LHX3: variants seen among roughly 807,000 people sequenced by gnomAD.
LHX3 encodes the protein LIM homeobox 3, also known as LIM/homeobox protein Lhx3.
A neutral mutation model predicts 32.4 loss-of-function variants in LHX3; 21 were observed. That is an observed-to-expected ratio of 0.65 (90% CI 0.46 to 0.93). The LOEUF (loss-of-function observed/expected upper bound fraction) is 0.93. Among genes scored for constraint, LHX3 ranks in the 40% least tolerant of loss-of-function variants. The probability of loss-of-function intolerance (pLI) is 0.00; values close to 1 mark genes in which losing one functional copy is unlikely to be tolerated. For missense variants in LHX3, 626 were observed against 560.0 expected (o/e 1.12, Z -1.19); for synonymous variants, 258 against 246.8 (o/e 1.05, Z -0.43).
chr9:136,199,049 G>C lies in LHX3; in HGVS notation c.465C>G (p.Ala155=). The C allele has an allele frequency of 6.5e-7, 1 of 1,549,636 alleles. No individual in the cohort carries two copies. The change falls in exon 4 of 6, where the codon GCC becomes GCG. Residue 155 remains alanine, a synonymous_variant. Transcript: ENST00000371748. ...YETAKQREAE[A]TAKRPRTTIT... The stretch of plus-strand genomic sequence containing the variant: ...TGGTCGTGCGCGGCCGCTTGGCCGT[G>C]GCCTCGGCCTCTGCGCGGCGGGCGA...
chr9:136,198,858 CG>C (rs1831562414), intron 4 of LHX3, 38 bp from the exon 5 acceptor site: 2 of 1,594,584 alleles, frequency 1.3e-6, no homozygotes, highest in Non-Finnish European at 8.5e-7. Flanking sequence ...CCCGGCTCTG[CG>C]GGGGCCCCCA....
At position 136,199,021 on chromosome 9, in the gene LHX3, T is replaced by A. The variant is rs1259053512; in HGVS notation, c.493A>T (p.Thr165Ser). 5.7e-6 allele frequency: 9 copies of A among 1,585,536 alleles called. No individual in the cohort carries two copies. The highest frequency in any genetic ancestry group is 7.7e-6 in the Non-Finnish European group (9 of 1,171,112). ...TTCAGCGTCTCCAGCTGCTTGGCGG[T>A]GATGGTCGTGCGCGGCCGCTTGGCC... ...ATAKRPRTTI[T>S]AKQLETLKSA... The change falls in exon 4 of 6, where the codon ACC becomes TCC. Residue 165 changes from threonine (T) to serine (S), a missense_variant. Coordinates refer to ENST00000371748, the MANE Select transcript of LHX3 (RefSeq NM_178138.6).
rs1440382468 is a variant in LHX3 at position 136,198,726 on chromosome 9, G to A, written c.701C>T (p.Ser234Phe). 1 of 1,611,530 alleles carries A rather than the reference G, an allele frequency of 6.2e-7. No homozygotes were observed. Among genetic ancestry groups the A allele is most frequent in the Non-Finnish European group, 8.5e-7 (1 of 1,179,810 alleles). ...WGQYFRNMKR[S>F]RGGSKSDKDS... ...CTTGTCCGACTTGGAGCCGCCGCGG[G>A]AGCGCTTCATGTTGCGGAAATACTG... Residue 234 changes from serine (S) to phenylalanine (F), a missense_variant, in exon 5 of 6, where the codon TCC becomes TTC. Coordinates refer to ENST00000371748, the MANE Select transcript of LHX3 (RefSeq NM_178138.6).
At position 136,196,639 on chromosome 9, in the gene LHX3, A is replaced by C. The variant is rs1323340730; in HGVS notation, c.*686T>G. ...GAGGAGGAGACCCTGAGGGGCTTAG[A>C]GAATTGAGCTTGGAGAGAAGGGGCG... On this transcript the variant is annotated 3_prime_UTR_variant, in exon 6 of 6. Coordinates refer to ENST00000371748, the MANE Select transcript of LHX3 (RefSeq NM_178138.6). 1 of 152,822 alleles carries C rather than the reference A, an allele frequency of 6.5e-6. No homozygotes were observed. The highest frequency in any genetic ancestry group is 2.4e-5 in the African/African-American group (1 of 41,462). 9.5% of individuals were successfully genotyped at this position (152,822 alleles called of 1,614,324 possible).
intron 1 of LHX3, chr9:136,201,068 A>T: frequency 1.6e-6 from 2 of 1,272,536 alleles, no homozygotes; most frequent in Non-Finnish European, 2.1e-6. Flanking sequence ...CAGTGCCAAG[A>T]AGGGTGCATG....
chr9:136,198,864 C>G (rs761843669), intron 4 of LHX3, 44 bp from the exon 5 acceptor site: 1 of 1,592,700 alleles, frequency 6.3e-7, no homozygotes, highest in East Asian at 2.2e-5. Context: ...TCTGCGGGGG[C>G]CCCCAAGGCC....
intron 1 of LHX3, chr9:136,202,878 G>A: frequency 1.3e-6 from 2 of 1,493,248 alleles, no homozygotes; most frequent in Non-Finnish European, 1.8e-6. Flanking sequence ...CAGCCTCCGC[G>A]GCCAGGCCCG....
chr9:136,202,469 G>A lies in LHX3; in HGVS notation c.80-1716C>T, dbSNP rs561526471. ...GGCCCTGAGCGGGGATAAACCGAGCGGGTGTCTGTGGGCGCAGACGCTGAA... is the reference window on the plus strand; with the variant it reads ...GGCCCTGAGCGGGGATAAACCGAGCAGGTGTCTGTGGGCGCAGACGCTGAA... On this transcript the variant is annotated intron_variant, in intron 1 of 5. Transcript: ENST00000371748. 3.3e-5 allele frequency among the ~76,000 whole-genome samples: 5 copies of A among 152,314 alleles called. No homozygotes were observed. The East Asian group carries it at 9.7e-4, about 30-fold the overall frequency.
intron 2 of LHX3, chr9:136,200,304 C>T (rs1831609445): frequency 1.2e-5 from 7 of 561,274 alleles, no homozygotes; most frequent in Middle Eastern, 4.6e-4. Flanking sequence ...TGTATCTTCT[C>T]TAATGACTGC....
intron 1 of LHX3, chr9:136,201,351 T>C: frequency 8.0e-7 from 1 of 1,242,428 alleles, no homozygotes; most frequent in Non-Finnish European, 1.0e-6. Flanking sequence ...GACAAGCCGA[T>C]CCACTGCCTT....
At position 136,197,460 on chromosome 9, in the gene LHX3, G is replaced by A. The variant is rs1373704775; in HGVS notation, c.1059C>T (p.Gly353=). 15 of 1,579,304 alleles carry A rather than the reference G, an allele frequency of 9.5e-6. No individual in the cohort carries two copies. Among genetic ancestry groups the A allele is most frequent in the Non-Finnish European group, 1.0e-5 (12 of 1,163,728 alleles). The change falls in exon 6 of 6, where the codon GGC becomes GGT. Residue 353 remains glycine, a synonymous_variant. Transcript: ENST00000371748. ...SLGLVPSGAP[G]GPPPMRVLAG... ...CCAGCACCCTCATGGGTGGGGGCCC[G>A]CCGGGGGCTCCCGAGGGCACAAGGC...
At chr9:136,201,348 C>T (rs987905293) in intron 1 of LHX3, 37 of 1,244,524 alleles carry the variant, frequency 3.0e-5, no homozygotes, top group Non-Finnish European at 3.2e-5. Flanking sequence ...CTGGACAAGC[C>T]GATCCACTGC....
intron 1 of LHX3, chr9:136,203,082 T>C: frequency 2.7e-6 from 4 of 1,464,600 alleles, no homozygotes; most frequent in Non-Finnish European, 2.7e-6. Flanking sequence ...TCCCGAACTT[T>C]CCCGGGCCCA....
intron 3 of LHX3, among the ~76,000 whole-genome samples, 159 bp downstream of exon 3, chr9:136,199,519 C>T (rs59795413): frequency 9.8e-4 from 149 of 152,394 alleles, no homozygotes; most frequent in African/African-American, 3.4e-3. Context: ...CGTGACTCCG[C>T]CGTTCCCGGC....
intron 1 of LHX3, chr9:136,201,820 G>A: frequency 1.8e-6 from 1 of 549,176 alleles, no homozygotes; most frequent in Non-Finnish European, 2.3e-6. Flanking sequence ...TCGAGGACCC[G>A]CTGCGCGCCC....
At chr9:136,204,231 G>C (rs1483073765) in intron 1 of LHX3, among the ~76,000 whole-genome samples, 4 of 150,290 alleles carry the variant, frequency 2.7e-5, no homozygotes, top group Non-Finnish European at 6.0e-5. Flanking sequence ...CTCCCAGCAG[G>C]TCCGATGTGT....
chr9:136,198,142 T>C (rs530589283), intron 5 of LHX3, among the ~76,000 whole-genome samples: 1 of 152,214 alleles, frequency 6.6e-6, no homozygotes, highest in African/African-American at 2.4e-5. Context: ...TTGTCCACAT[T>C]CTGAGGATGG....
rs537929512 is a variant in LHX3, at chr9:136,200,751, T to C, written c.82A>G (p.Ile28Val). The C allele has an allele frequency of 3.7e-6, 6 of 1,613,320 alleles. 1 individual carries two copies. Among genetic ancestry groups the C allele is most frequent in the Non-Finnish European group, 5.1e-6 (6 of 1,180,004 alleles). ...TGGTCACAGCCAGCGCACAGCGGGA[T>C]CTCTGTGGGCACGAGGAAGTTCTGG... ...AVCTLGGTRE[I>V]PLCAGCDQHI... Residue 28 changes from isoleucine to valine, a missense_variant and splice_region_variant, in exon 2 of 6, where the codon ATC (isoleucine) becomes GTC (valine). By Grantham distance (29) the Ile-to-Val change is conservative. Transcript: ENST00000371748.
rs551085942 is a variant in LHX3 at position 136,202,572 on chromosome 9, T to G, written c.80-1819A>C. The stretch of plus-strand genomic sequence containing the variant: ...CATCTGACTCTGTTCCGCTGGAACG[T>G]GGAAAGAGTCCGGCTGGGGCGGCCT... On this transcript the variant is annotated intron_variant, in intron 1 of 5. Transcript: ENST00000371748. Among the ~76,000 whole-genome samples the G allele has an allele frequency of 1.4e-4, 22 of 152,186 alleles. No homozygotes were observed. In the South Asian group the frequency reaches 4.1e-3, roughly 29 times the overall value.
Sources: gnomAD v4.1 joint callset for allele counts (sites outside exome capture counted in the v4.1 genomes callset) on GRCh38, gnomAD v4.1.1 for gene constraint, MANE v1.5 for transcripts, NCBI Gene and HGNC (gene_info 2026-07-23, HGNC 2026-07-21) for gene names.